PIGN: variants seen among roughly 807,000 people sequenced by gnomAD.
PIGN encodes the protein phosphatidylinositol glycan anchor biosynthesis class N.
A neutral mutation model predicts 125.4 loss-of-function variants in PIGN; 117 were observed. The ratio of observed to expected loss-of-function variants is 0.93; its 90% confidence interval spans 0.80 to 1.09. The LOEUF is 1.09. Ranked by LOEUF, PIGN falls within the 50% of genes least tolerant of loss-of-function variation. The probability of loss-of-function intolerance (pLI) is 0.00; values close to 1 mark genes in which losing one functional copy is unlikely to be tolerated. For missense variants in PIGN, 1,075 were observed against 1,094.9 expected (o/e 0.98, Z 0.26); for synonymous variants, 392 against 377.8 (o/e 1.04, Z -0.44).
chr18:62,041,692 TGTG>T lies in PIGN; in HGVS notation c.*4161_*4163del. The T allele has an allele frequency of 6.6e-6, 1 of 151,488 alleles. No individual in the cohort carries two copies. Among genetic ancestry groups the T allele is most frequent in the East Asian group, 2.0e-4 (1 of 5,108 alleles). 9.4% of individuals were successfully genotyped at this position (151,488 alleles called of 1,614,324 possible). On this transcript the variant is annotated 3_prime_UTR_variant, in exon 31 of 31. Coordinates refer to ENST00000640252, the MANE Select transcript of PIGN (RefSeq NM_176787.5). The stretch of plus-strand genomic sequence containing the variant: ...GTGTGTGTGTGTGTGTGTGTGTGTG[TGTG>T]TGTGTGTGTGTTTAGTAGAGATGGG...
chr18:62,081,010 GA>G (rs970147655), intron 28 of PIGN, among the ~76,000 whole-genome samples: 34 of 151,678 alleles, frequency 2.2e-4, no homozygotes, highest in African/African-American at 1.2e-4. Context: ...TTTAAGTTAT[GA>G]AAAAAAACAA....
intron 30 of PIGN, among the ~76,000 whole-genome samples, chr18:62,048,778 T>C (rs1053311465): frequency 2.0e-5 from 3 of 151,290 alleles, no homozygotes; most frequent in Admixed American, 6.6e-5. Flanking sequence ...TGTATACATG[T>C]GCCATGCTGG....
In PIGN at chr18:62,154,591, G is replaced by T. The variant is rs781493019; in HGVS notation, c.503C>A (p.Ala168Asp). ...CGTATCCAGTTTTGTTGCATCTTGA[G>T]CACCAAAATCCTCTCTTTTAGCATC... ...SYDAKREDFGAQDATKLDTWV... is the reference protein window; with the variant it reads ...SYDAKREDFGDQDATKLDTWV... Residue 168 changes from alanine (A) to aspartate (D), a missense_variant, in exon 7 of 31, where the codon GCT (alanine) becomes GAT (aspartate). Physicochemically the swap from Ala to Asp is moderately radical, Grantham distance 126. Transcript: ENST00000640252. 1 of 1,595,914 alleles carries T rather than the reference G, an allele frequency of 6.3e-7. No homozygotes were observed. Among genetic ancestry groups the T allele is most frequent in the Non-Finnish European group, 8.6e-7 (1 of 1,164,528 alleles).
At chr18:62,173,944 G>A (rs578237947) in intron 1 of PIGN, among the ~76,000 whole-genome samples, 15 of 152,136 alleles carry the variant, frequency 9.9e-5, no homozygotes, top group Admixed American at 2.0e-4. Flanking sequence ...GGCCGGGTGC[G>A]GTGGCTTACG....
chr18:62,176,947 C>T (rs1291154157), intron 1 of PIGN, among the ~76,000 whole-genome samples: 2 of 129,538 alleles, frequency 1.5e-5, no homozygotes, highest in African/African-American at 6.0e-5. Flanking sequence ...CAGATCTAAA[C>T]ATTATTTTTA....
At chr18:62,066,559 G>A (rs1568135854) in intron 30 of PIGN, among the ~76,000 whole-genome samples, 1 of 152,186 alleles carries the variant, frequency 6.6e-6, no homozygotes, top group Non-Finnish European at 1.5e-5. Context: ...TCAAGTTTGA[G>A]CTTCTATCTT....
At position 62,113,324 on chromosome 18, in the gene PIGN, GAA is replaced by G; in HGVS notation, c.1252-10_1252-9del. ...CTCCTTGCAAAGGGAGACCTATGGA[GAA>G]AAAACATATATAACTTGCTAACAGA... On this transcript the variant is annotated splice_polypyrimidine_tract_variant and intron_variant, in intron 15 of 30. Transcript: ENST00000640252. The G allele has an allele frequency of 6.4e-7, 1 of 1,572,748 alleles. No homozygotes were observed. The highest frequency in any genetic ancestry group is 8.6e-7 in the Non-Finnish European group (1 of 1,163,300).
At chr18:62,129,887 T>C (rs755387924) in intron 14 of PIGN, among the ~76,000 whole-genome samples, 3 of 152,186 alleles carry the variant, frequency 2.0e-5, no homozygotes, top group Non-Finnish European at 4.4e-5. Context: ...TGACCTGATT[T>C]TGAAATAGTG....
rs570404508 is a variant in PIGN at position 62,045,664 on chromosome 18, C to T, written c.*192G>A. The T allele has an allele frequency of 4.8e-5, 22 of 455,440 alleles. No individual in the cohort carries two copies. In the South Asian group the frequency reaches 8.2e-4, roughly 17 times the overall value. 28.2% of individuals were successfully genotyped at this position (455,440 alleles called of 1,614,324 possible). On this transcript the variant is annotated 3_prime_UTR_variant, in exon 31 of 31. Transcript: ENST00000640252. ...CCACAGATATAATCACTATTTCATG[C>T]CTGCAAAACCTAGAAAAAAAAAGAA...
At chr18:62,169,263 T>G (rs1361161005) in intron 1 of PIGN, among the ~76,000 whole-genome samples, 1 of 146,640 alleles carries the variant, frequency 6.8e-6, no homozygotes, top group Non-Finnish European at 1.6e-5. Context: ...GCATAAATAC[T>G]TTTAGAATCA....
chr18:62,043,968 T>G lies in PIGN; in HGVS notation c.*1888A>C, dbSNP rs1483608943. On this transcript the variant is annotated 3_prime_UTR_variant, in exon 31 of 31. Coordinates refer to ENST00000640252, the MANE Select transcript of PIGN (RefSeq NM_176787.5). ...CTGTTTTGCAACATAAAAATATACA[T>G]TTCAAAACATTTAAAGATATCTGGG... The G allele has an allele frequency of 6.6e-5, 10 of 152,198 alleles. No homozygotes were observed. Among genetic ancestry groups the G allele is most frequent in the Non-Finnish European group, 1.3e-4 (9 of 68,020 alleles). The allele number at this position is 152,198 out of a possible 1,614,324, so 9.4% of individuals were successfully genotyped here.
intron 5 of PIGN, 126 bp downstream of exon 5, chr18:62,157,561 C>T: frequency 1.1e-6 from 1 of 869,878 alleles, no homozygotes; most frequent in Non-Finnish European, 1.8e-6. Flanking sequence ...GTCAGCAAAG[C>T]ATGCTAAAAC....
At chr18:62,075,451 C>G (rs1363479090) in intron 28 of PIGN, 1 of 152,138 alleles carries the variant, frequency 6.6e-6, no homozygotes, top group Non-Finnish European at 1.5e-5. Context: ...CCTTTTGTAA[C>G]CTTCTGGGAT....
chr18:62,142,900 G>A (rs1274696819), intron 11 of PIGN, among the ~76,000 whole-genome samples: 3 of 152,096 alleles, frequency 2.0e-5, no homozygotes, highest in African/African-American at 7.2e-5. Flanking sequence ...TTGCTGGTTA[G>A]AAGTAAAGGT....
intron 30 of PIGN, chr18:62,059,189 A>AC (rs1185138985): frequency 1.4e-5 from 2 of 147,274 alleles, no homozygotes; most frequent in Non-Finnish European, 2.9e-5. Context: ...AAAAAAAAAA[A>AC]AAAAAAAAAC....
At position 62,109,747 on chromosome 18, in the gene PIGN, C is replaced by G. The variant is rs900431129; in HGVS notation, c.1574+87G>C. Reference sequence around the variant, plus strand: ...ACAGTATTATAAATATATTTGATGACTTATGGTACAGAAATCTACTGCATT... The same window carrying G: ...ACAGTATTATAAATATATTTGATGAGTTATGGTACAGAAATCTACTGCATT... On this transcript the variant is annotated intron_variant, in intron 17 of 30. Coordinates refer to ENST00000640252, the MANE Select transcript of PIGN (RefSeq NM_176787.5). 7.8e-6 allele frequency: 9 copies of G among 1,153,568 alleles called. No individual in the cohort carries two copies. In the African/African-American group the frequency reaches 1.2e-4, roughly 16 times the overall value. The allele number at this position is 1,153,568 out of a possible 1,614,324, so 71.5% of individuals were successfully genotyped here.
At chr18:62,078,984 TG>T (rs935194831) in intron 28 of PIGN, among the ~76,000 whole-genome samples, 3 of 152,200 alleles carry the variant, frequency 2.0e-5, no homozygotes, top group Non-Finnish European at 4.4e-5. Flanking sequence ...AACTGAATAA[TG>T]GTGAAGTCCT....
At position 62,179,690 on chromosome 18, in the gene PIGN, T is replaced by C. The variant is rs2037649659; in HGVS notation, c.-236+7154A>G. 2.0e-5 allele frequency among the ~76,000 whole-genome samples: 3 copies of C among 152,124 alleles called. No homozygotes were observed. In the East Asian group the frequency reaches 5.8e-4, roughly 29 times the overall value. ...GAACCCCGGAGATCGAGGCTGCCAG[T>C]GAGCTGAGATCACGCCACTGCACTC... On this transcript the variant is annotated intron_variant, in intron 1 of 30. Transcript: ENST00000640252.
chr18:62,123,175 G>A (rs966227643), intron 14 of PIGN, among the ~76,000 whole-genome samples: 13 of 152,136 alleles, frequency 8.5e-5, no homozygotes, highest in African/African-American at 3.1e-4. Flanking sequence ...AGGAAGTCAA[G>A]GCTCCAGTGA....
Sources: gnomAD v4.1 joint callset for allele counts (sites outside exome capture counted in the v4.1 genomes callset) on GRCh38, gnomAD v4.1.1 for gene constraint, MANE v1.5 for transcripts, NCBI Gene and HGNC (gene_info 2026-07-23, HGNC 2026-07-21) for gene names.